The following CPED1 variants were observed in gnomAD, a reference collection of about 807,000 sequenced individuals.
CPED1 encodes cadherin like and PC-esterase domain containing 1, also known as cadherin-like and PC-esterase domain-containing protein 1.
Under a neutral mutation model 128.2 loss-of-function variants are expected in CPED1, and 114 were observed. The ratio of observed to expected loss-of-function variants is 0.89; its 90% CI spans 0.76 to 1.04. CPED1 has a LOEUF of 1.04. CPED1 is among the 50% of genes least tolerant of loss of function. The pLI is 0.00. For synonymous variants in CPED1, 462 were observed against 426.7 expected (o/e 1.08, Z -1.02); for missense variants, 1,211 against 1,207.1 (o/e 1.00, Z -0.05).
chr7:121,267,263 A>G lies in CPED1; in HGVS notation c.2682A>G (p.Gly894=). 6.2e-7 allele frequency: 1 copy of G among 1,602,736 alleles called. No individual in the cohort carries two copies. Among genetic ancestry groups the G allele is most frequent in the East Asian group, 2.2e-5 (1 of 44,472 alleles). ...TGATCATCAAAACTTTGGGAATTGG[A>G]TTTCATCTGCCAGTGGATGGAGTAC... is the stretch of plus-strand genomic sequence containing the variant. ...ILVIIKTLGI[G]FHLPVDGVHF... Residue 894 remains glycine (G), a synonymous_variant, in exon 21 of 23, where the codon GGA becomes GGG. Coordinates refer to ENST00000310396, the MANE Select transcript of CPED1 (RefSeq NM_024913.5).
intron 18 of CPED1, among the ~76,000 whole-genome samples, chr7:121,256,396 C>T (rs560040128): frequency 1.3e-5 from 2 of 151,832 alleles, no homozygotes; most frequent in South Asian, 2.1e-4. Flanking sequence ...AGAATGAAAC[C>T]GGACCCTTAC....
rs749803161 is a variant in CPED1 at position 121,130,271 on chromosome 7, G to A, written c.1554G>A (p.Lys518=). The change falls in exon 12 of 23, where the codon AAG becomes AAA. Residue 518 remains lysine (K), a synonymous_variant. Coordinates refer to ENST00000310396, the MANE Select transcript of CPED1 (RefSeq NM_024913.5). ...VFEQFQFMNK[K]TQPHPLEWNS... is the part of the protein sequence containing the mutation. ...AACAATTTCAGTTCATGAATAAAAA[G>A]ACACAGCCACATCCACTGGAATGGT... The A allele has an allele frequency of 5.0e-6, 8 of 1,604,804 alleles. No homozygotes were observed. Among genetic ancestry groups the A allele is most frequent in the Non-Finnish European group, 5.9e-6 (7 of 1,176,710 alleles).
chr7:121,209,376 C>A (rs927385772), intron 16 of CPED1, among the ~76,000 whole-genome samples: 7 of 151,946 alleles, frequency 4.6e-5, no homozygotes, highest in African/African-American at 1.4e-4. Flanking sequence ...AATTAAAATT[C>A]TCTGAGATGG....
chr7:121,256,146 G>C (rs1293762615), intron 18 of CPED1, among the ~76,000 whole-genome samples: 1 of 78,240 alleles, frequency 1.3e-5, no homozygotes, highest in Non-Finnish European at 2.6e-5. Context: ...AAAAAACAAA[G>C]CTTATGCCAA....
chr7:121,171,246 T>C (rs1209755391), intron 16 of CPED1, among the ~76,000 whole-genome samples: 1 of 152,192 alleles, frequency 6.6e-6, no homozygotes, highest in Non-Finnish European at 1.5e-5. Context: ...TGCCAAAACA[T>C]TAAAATTACT....
intron 18 of CPED1, chr7:121,262,046 T>C (rs1236818883): frequency 3.4e-6 from 1 of 292,428 alleles, no homozygotes; most frequent in African/African-American, 2.3e-5. Flanking sequence ...GCTTGGTGCC[T>C]TCCCCACAGT....
At chr7:121,080,398 G>T (rs1794254124) in intron 5 of CPED1, among the ~76,000 whole-genome samples, 1 of 152,150 alleles carries the variant, frequency 6.6e-6, no homozygotes, top group Non-Finnish European at 1.5e-5. Flanking sequence ...GTTTGCAACA[G>T]AAATATTAGG....
At chr7:121,049,464 C>A (rs978914402) in intron 4 of CPED1, among the ~76,000 whole-genome samples, 1 of 152,178 alleles carries the variant, frequency 6.6e-6, no homozygotes, top group African/African-American at 2.4e-5. Context: ...CTTGCCAGTG[C>A]CTCCCATTGG....
rs751869640 is a variant in CPED1, at chr7:121,236,712, A to T, written c.2056-2A>T. On this transcript the variant is annotated splice_acceptor_variant, in intron 16 of 22. Transcript: ENST00000310396. LOFTEE classifies it high-confidence loss of function. ...CAACTAATATCTATTATTTTAATGC[A>T]GGATTGTGGTTTGCTGATTCATCCA... 6.5e-7 allele frequency: 1 copy of T among 1,545,936 alleles called. No individual in the cohort carries two copies. The highest frequency in any genetic ancestry group is 8.8e-7 in the Non-Finnish European group (1 of 1,138,656).
At chr7:121,261,150 G>A (rs78288162) in intron 18 of CPED1, among the ~76,000 whole-genome samples, 46 of 152,158 alleles carry the variant, frequency 3.0e-4, no homozygotes, top group African/African-American at 1.1e-3. Context: ...TATTATCATT[G>A]TTAGTTCCCT....
intron 5 of CPED1, among the ~76,000 whole-genome samples, chr7:121,078,888 A>T (rs1387806178): frequency 6.6e-6 from 1 of 152,178 alleles, no homozygotes; most frequent in African/African-American, 2.4e-5. Flanking sequence ...TCATTTCCAC[A>T]GTTCTGGAGG....
At chr7:121,115,711 T>A (rs1428535414) in intron 7 of CPED1, among the ~76,000 whole-genome samples, 1 of 152,194 alleles carries the variant, frequency 6.6e-6, no homozygotes, top group Admixed American at 6.5e-5. Context: ...CATCTTCTAG[T>A]CAAGGTAATT....
At chr7:121,159,628 G>A (rs10215148) in intron 16 of CPED1, among the ~76,000 whole-genome samples, 66,779 of 151,890 alleles carry the variant, frequency 0.44, 15,953 homozygotes, top group East Asian at 0.84. Context: ...TTTAAATGGC[G>A]TGGATTCCCC....
chr7:121,277,416 T>A lies in CPED1; in HGVS notation c.2868+5986T>A, dbSNP rs151152108. ...CACAGGGAGTCATCAGAAAATAGGT[T>A]GTAGTTGAAACCATGAAAATAGATC... is the stretch of plus-strand genomic sequence containing the variant. On this transcript the variant is annotated intron_variant, in intron 22 of 22. Transcript: ENST00000310396. Among the ~76,000 whole-genome samples, 5 of 152,146 alleles carry A rather than the reference T, an allele frequency of 3.3e-5. No individual in the cohort carries two copies. In the East Asian group the frequency reaches 9.7e-4, roughly 29 times the overall value.
chr7:121,038,934 CTT>C (rs1347445378), intron 3 of CPED1, among the ~76,000 whole-genome samples: 1 of 152,080 alleles, frequency 6.6e-6, no homozygotes, highest in Non-Finnish European at 1.5e-5. Context: ...ACCCACATGA[CTT>C]AGCTCTGTTC....
At chr7:121,141,907 A>T (rs943696901) in intron 15 of CPED1, 66 bp from the exon 16 acceptor site, 2 of 1,265,660 alleles carry the variant, frequency 1.6e-6, no homozygotes, top group Admixed American at 3.6e-5. Flanking sequence ...TTGATATATG[A>T]ATCAGTTTGG....
intron 18 of CPED1, among the ~76,000 whole-genome samples, chr7:121,250,183 A>G (rs1261233095): frequency 6.6e-6 from 1 of 152,236 alleles, no homozygotes; most frequent in African/African-American, 2.4e-5. Flanking sequence ...AAAACTGCTC[A>G]ACTACATGGA....
intron 16 of CPED1, among the ~76,000 whole-genome samples, chr7:121,193,102 A>G (rs570026931): frequency 5.3e-5 from 8 of 152,298 alleles, no homozygotes; most frequent in African/African-American, 1.7e-4. Flanking sequence ...TTATCATGTA[A>G]TAAGTTGACA....
At chr7:121,047,989 C>A (rs1310231386) in intron 4 of CPED1, among the ~76,000 whole-genome samples, 3 of 152,020 alleles carry the variant, frequency 2.0e-5, no homozygotes, top group Non-Finnish European at 4.4e-5. Context: ...TAACTCCTTT[C>A]TTCTAACTCT....
Sources: gnomAD v4.1 joint callset for allele counts (sites outside exome capture counted in the v4.1 genomes callset) on GRCh38, gnomAD v4.1.1 for gene constraint, MANE v1.5 for transcripts, NCBI Gene and HGNC (gene_info 2026-07-23, HGNC 2026-07-21) for gene names.